Variants in PANK1 observed in about 807,000 individuals in gnomAD.
The protein encoded by PANK1 is pantothenate kinase 1, also known as pantothenic acid kinase 1.
A neutral mutation model predicts 40.1 loss-of-function variants in PANK1; 18 were observed. That is an observed-to-expected ratio of 0.45 (90% CI 0.31 to 0.67). PANK1 has a LOEUF of 0.67. Ranked by LOEUF, PANK1 falls within the 30% of genes least tolerant of loss-of-function variation. PANK1 has a pLI of 0.06. For synonymous variants in PANK1, 242 were observed against 237.7 expected (o/e 1.02, Z -0.17); for missense variants, 457 against 599.6 (o/e 0.76, Z 2.48).
intron 1 of PANK1, among the ~76,000 whole-genome samples, chr10:89,622,911 G>T (rs1358261372): frequency 6.6e-6 from 1 of 151,660 alleles, no homozygotes; most frequent in East Asian, 1.9e-4. Context: ...ACAACAGAGG[G>T]CTAATTAAAC....
At chr10:89,620,417 G>A (rs1271479532) in intron 1 of PANK1, among the ~76,000 whole-genome samples, 1 of 152,242 alleles carries the variant, frequency 6.6e-6, no homozygotes, top group East Asian at 1.9e-4. Context: ...CGCTCTGGGA[G>A]TGTCTGCCTT....
At chr10:89,600,116 C>A (rs1476254182) in intron 2 of PANK1, among the ~76,000 whole-genome samples, 2 of 152,162 alleles carry the variant, frequency 1.3e-5, no homozygotes, top group African/African-American at 2.4e-5. Flanking sequence ...TGAATTTGAA[C>A]CTCTGGCATT....
chr10:89,633,287 T>C (rs533494092), intron 1 of PANK1, among the ~76,000 whole-genome samples: 1 of 152,258 alleles, frequency 6.6e-6, no homozygotes, highest in African/African-American at 2.4e-5. Context: ...GCTAGGATAA[T>C]CCCAGCCTAT....
At chr10:89,606,147 A>G (rs1844958447) in intron 2 of PANK1, among the ~76,000 whole-genome samples, 2 of 152,204 alleles carry the variant, frequency 1.3e-5, no homozygotes. Context: ...GAGTAGATGT[A>G]GCATAATTCT....
At chr10:89,632,566 A>C (rs962669814) in intron 1 of PANK1, among the ~76,000 whole-genome samples, 1 of 152,256 alleles carries the variant, frequency 6.6e-6, no homozygotes, top group African/African-American at 2.4e-5. Context: ...GTCATTAAAA[A>C]ACAAAAACAA....
intron 5 of PANK1, 73 bp from the exon 6 acceptor site, chr10:89,588,850 T>C (rs756440966): frequency 1.1e-4 from 121 of 1,093,792 alleles, no homozygotes; most frequent in Middle Eastern, 8.3e-4. Context: ...CAATGTTCTG[T>C]ATGTCTCTGT....
At chr10:89,587,465 C>T (rs933953501) in intron 6 of PANK1, among the ~76,000 whole-genome samples, 8 of 152,166 alleles carry the variant, frequency 5.3e-5, no homozygotes, top group African/African-American at 9.7e-5. Flanking sequence ...GAAATAATTG[C>T]TGTCTACTTA....
intron 1 of PANK1, among the ~76,000 whole-genome samples, chr10:89,632,050 T>G (rs933439347): frequency 7.2e-5 from 11 of 152,170 alleles, no homozygotes; most frequent in Admixed American, 4.6e-4. Flanking sequence ...ATATGATTTC[T>G]GAGGTCTGCT....
chr10:89,600,765 T>C (rs1473115768), intron 2 of PANK1, among the ~76,000 whole-genome samples: 2 of 152,248 alleles, frequency 1.3e-5, no homozygotes, highest in East Asian at 3.9e-4. Context: ...CCCAGAGATC[T>C]GGAAACATCA....
At chr10:89,587,076 T>C (rs1053073064) in intron 6 of PANK1, among the ~76,000 whole-genome samples, 10 of 152,032 alleles carry the variant, frequency 6.6e-5, no homozygotes, top group African/African-American at 1.4e-4. Context: ...TGAGCCAAGA[T>C]TGCGCCACTG....
intron 2 of PANK1, 108 bp from the exon 3 acceptor site, chr10:89,599,613 A>T (rs1844714778): frequency 9.4e-7 from 1 of 1,064,320 alleles, no homozygotes; most frequent in East Asian, 2.5e-5. Context: ...AAAAGCATGG[A>T]GACACCCTTA....
chr10:89,613,920 A>G (rs1845239746), intron 1 of PANK1: 2 of 455,000 alleles, frequency 4.4e-6, no homozygotes, highest in South Asian at 3.1e-5. Flanking sequence ...AGCTCACTGT[A>G]GCTCCTTCTA....
In PANK1 at chr10:89,623,945, C is replaced by T. The variant is rs189066478; in HGVS notation, c.293-11897G>A. Among the ~76,000 whole-genome samples the T allele has an allele frequency of 4.2e-3, 642 of 152,326 alleles. 6 individuals are homozygous for T. Among genetic ancestry groups the T allele is most frequent in the African/African-American group, 0.015 (608 of 41,576 alleles). ...ATGTTAAACTTAGCAATTGAAAATA[C>T]GCTGAAGAGGACACATGTATGTTTG... On this transcript the variant is annotated intron_variant, in intron 1 of 6. Transcript: ENST00000307534.
In PANK1 at chr10:89,584,126, A is replaced by G. The variant is rs1844119638; in HGVS notation, c.*280T>C. 2 of 340,298 alleles carry G rather than the reference A, an allele frequency of 5.9e-6. No individual in the cohort carries two copies. The highest frequency in any genetic ancestry group is 4.6e-5 in the East Asian group (1 of 21,560). The allele number at this position is 340,298 out of a possible 1,614,324, so 21.1% of individuals were successfully genotyped here. A position where few individuals can be genotyped will look rare whatever the true frequency, so the allele number is the denominator to read the frequency against. ...TTCTTAAACATCAAACAACTTTTCA[A>G]AGTTAATGCATACAATTGGTAGGTT... On this transcript the variant is annotated 3_prime_UTR_variant, in exon 7 of 7. Coordinates refer to ENST00000307534, the MANE Select transcript of PANK1 (RefSeq NM_148977.3).
At chr10:89,595,830 AAAAATATATATATATATATAT>A (rs1233532675) in intron 3 of PANK1, among the ~76,000 whole-genome samples, 15 of 66,566 alleles carry the variant, frequency 2.3e-4, no homozygotes, top group African/African-American at 3.8e-4. Context: ...AAAAAAAAAA[AAAAATATATATATATATATAT>A]ATATATATAT....
chr10:89,604,093 C>T (rs1844868556), intron 2 of PANK1, among the ~76,000 whole-genome samples: 1 of 152,140 alleles, frequency 6.6e-6, no homozygotes, highest in Non-Finnish European at 1.5e-5. Flanking sequence ...TAAGTCCTCA[C>T]ACATTGAAAA....
chr10:89,596,223 T>C (rs914126799), intron 3 of PANK1, among the ~76,000 whole-genome samples: 10 of 152,208 alleles, frequency 6.6e-5, no homozygotes, highest in African/African-American at 2.4e-4. Context: ...TTTAGAAAGA[T>C]GTCTTTGCTT....
intron 1 of PANK1, chr10:89,643,944 T>C: frequency 8.4e-6 from 10 of 1,196,596 alleles, no homozygotes; most frequent in East Asian, 2.8e-5. Flanking sequence ...TCCCCCTTCG[T>C]TGAAAAAAAA....
chr10:89,609,213 C>T (rs529405518), intron 2 of PANK1, among the ~76,000 whole-genome samples: 2 of 152,158 alleles, frequency 1.3e-5, no homozygotes, highest in Admixed American at 6.5e-5. Flanking sequence ...TACAGGCGTG[C>T]GCCACCTCAC....
Sources: gnomAD v4.1 joint callset for allele counts (sites outside exome capture counted in the v4.1 genomes callset) on GRCh38, gnomAD v4.1.1 for gene constraint, MANE v1.5 for transcripts, NCBI Gene and HGNC (gene_info 2026-07-23, HGNC 2026-07-21) for gene names.